Variants in MOB1A observed in about 807,000 individuals in gnomAD.
The protein encoded by MOB1A is MOB1 Mps One Binder homolog A.
Under a neutral mutation model 25.1 loss-of-function variants are expected in MOB1A, and 10 were observed. The ratio of observed to expected loss-of-function variants is 0.40; its 90% CI spans 0.25 to 0.68. The LOEUF (loss-of-function observed/expected upper bound fraction) is 0.68, where lower values mean the gene tolerates loss of function less well. MOB1A is among the 30% of genes least tolerant of loss of function. The pLI is 0.40. For missense variants in MOB1A, 177 were observed against 256.3 expected (o/e 0.69, Z 2.11); for synonymous variants, 81 against 79.5 (o/e 1.02, Z -0.10).
Position 74,152,740 on chromosome 2 carries a change from A to G in MOB1A, c.*3828T>C, listed in dbSNP as rs1046788514. On this transcript the variant is annotated 3_prime_UTR_variant, in exon 6 of 6. Transcript: ENST00000396049. ...CAACATAAATTTTTATGTAAAGAACATTTAAAAATATTTTAGATGGTAACC... is the reference window on the plus strand; with the variant it reads ...CAACATAAATTTTTATGTAAAGAACGTTTAAAAATATTTTAGATGGTAACC... 1 of 152,232 alleles carries G rather than the reference A, an allele frequency of 6.6e-6. No individual in the cohort carries two copies. Among genetic ancestry groups the G allele is most frequent in the South Asian group, 2.1e-4 (1 of 4,832 alleles). The allele number at this position is 152,232 out of a possible 1,614,324, so 9.4% of individuals were successfully genotyped here. A position where few individuals can be genotyped will look rare whatever the true frequency, so the allele number is the denominator to read the frequency against.
chr2:74,173,736 G>A (rs1343323368), intron 1 of MOB1A, among the ~76,000 whole-genome samples: 33 of 149,802 alleles, frequency 2.2e-4, no homozygotes, highest in African/African-American at 8.1e-4. Flanking sequence ...GGATCACGAG[G>A]TCAGGAGATC....
rs749772760 is a variant in MOB1A, at chr2:74,172,596, A to G, written c.171T>C (p.Ile57=). 4 of 1,612,680 alleles carry G rather than the reference A, an allele frequency of 2.5e-6. No individual in the cohort carries two copies. Among genetic ancestry groups the G allele is most frequent in the Non-Finnish European group, 1.7e-6 (2 of 1,179,512 alleles). Residue 57 remains isoleucine, a synonymous_variant, in exon 2 of 6, where the codon ATT becomes ATC. Coordinates refer to ENST00000396049, the MANE Select transcript of MOB1A (RefSeq NM_018221.5). ...LPEGEDLNEW[I]AVNTVDFFNQ... ...CATTTTAAAACTTACTGTTCACAGC[A>G]ATCCATTCATTGAGATCCTCTCCCT...
Position 74,153,203 on chromosome 2 carries a change from A to G in MOB1A, c.*3365T>C, listed in dbSNP as rs1692705333. 1 of 152,208 alleles carries G rather than the reference A, an allele frequency of 6.6e-6. No homozygotes were observed. The highest frequency in any genetic ancestry group is 2.4e-5 in the African/African-American group (1 of 41,448). 9.4% of individuals were successfully genotyped at this position (152,208 alleles called of 1,614,324 possible). A position where few individuals can be genotyped will look rare whatever the true frequency, so the allele number is the denominator to read the frequency against. On this transcript the variant is annotated 3_prime_UTR_variant, in exon 6 of 6. Transcript: ENST00000396049. ...CCTAAAACAAGGCGGTAGCACCAGC[A>G]CCATGACTAGGGCTGCTTTAAAACA...
intron 1 of MOB1A, chr2:74,173,156 C>A (rs761716830): frequency 1.9e-6 from 1 of 514,870 alleles, no homozygotes. Flanking sequence ...AAAACACTCT[C>A]TGAAAAATGC....
chr2:74,177,464 A>T (rs1693508045), intron 1 of MOB1A, among the ~76,000 whole-genome samples: 1 of 152,250 alleles, frequency 6.6e-6, no homozygotes, highest in Non-Finnish European at 1.5e-5. Flanking sequence ...GAATACTTCT[A>T]TTAATATGGA....
intron 1 of MOB1A, 31 bp downstream of exon 1, chr2:74,178,630 G>T: frequency 7.2e-7 from 1 of 1,382,596 alleles, no homozygotes; most frequent in Non-Finnish European, 9.4e-7. Context: ...TCGGCCCGCA[G>T]GCCCGGCGCC....
intron 3 of MOB1A, among the ~76,000 whole-genome samples, chr2:74,166,161 G>A (rs1449746105): frequency 1.3e-5 from 2 of 151,796 alleles, no homozygotes; most frequent in Admixed American, 1.3e-4. Context: ...CCCATCATAT[G>A]ATGGACTTAA....
chr2:74,159,324 G>A (rs935102364), intron 4 of MOB1A, 70 bp from the exon 5 acceptor site: 36 of 1,390,048 alleles, frequency 2.6e-5, no homozygotes, highest in Non-Finnish European at 3.6e-5. Context: ...ATTTGTGACA[G>A]GGTCTCACTT....
Position 74,178,705 on chromosome 2 carries a change from C to T in MOB1A, c.-31G>A, listed in dbSNP as rs2103760525. ...GTCCTCAGAGGGGAGGCGAGGGGCCCCTGGCCCCCGCCTGGATCAGGATTC... is the reference window on the plus strand; with the variant it reads ...GTCCTCAGAGGGGAGGCGAGGGGCCTCTGGCCCCCGCCTGGATCAGGATTC... On this transcript the variant is annotated 5_prime_UTR_variant, in exon 1 of 6. Coordinates refer to ENST00000396049, the MANE Select transcript of MOB1A (RefSeq NM_018221.5). 1 of 1,279,822 alleles carries T rather than the reference C, an allele frequency of 7.8e-7. No homozygotes were observed. The highest frequency in any genetic ancestry group is 2.4e-5 in the South Asian group (1 of 42,000). The allele number at this position is 1,279,822 out of a possible 1,614,324, so 79.3% of individuals were successfully genotyped here. A position where few individuals can be genotyped will look rare whatever the true frequency, so the allele number is the denominator to read the frequency against.
In MOB1A at chr2:74,154,396, GTTTTTA is replaced by G. The variant is rs1404083096; in HGVS notation, c.*2166_*2171del. The G allele has an allele frequency of 2.0e-5, 3 of 151,976 alleles. No homozygotes were observed. The highest frequency in any genetic ancestry group is 6.6e-5 in the Admixed American group (1 of 15,232). The allele number at this position is 151,976 out of a possible 1,614,324, so 9.4% of individuals were successfully genotyped here. A position where few individuals can be genotyped will look rare whatever the true frequency, so the allele number is the denominator to read the frequency against. Reference sequence around the variant, plus strand: ...CAGATTGGCTTGGGAACCTGGTAATGTTTTTATTTTTATTTTAAAAAAGGACAGTCT... The same window carrying G: ...CAGATTGGCTTGGGAACCTGGTAATGTTTTTATTTTAAAAAAGGACAGTCT... On this transcript the variant is annotated 3_prime_UTR_variant, in exon 6 of 6. Transcript: ENST00000396049.
At chr2:74,162,273 G>T (rs1392971573) in intron 4 of MOB1A, among the ~76,000 whole-genome samples, 2 of 151,958 alleles carry the variant, frequency 1.3e-5, no homozygotes, top group African/African-American at 4.8e-5. Context: ...TTGAGGTCAG[G>T]AGTTCGAGAC....
intron 3 of MOB1A, among the ~76,000 whole-genome samples, 187 bp from the exon 4 acceptor site, chr2:74,165,538 C>A (rs1426066884): frequency 6.6e-6 from 1 of 152,088 alleles, no homozygotes; most frequent in African/African-American, 2.4e-5. Flanking sequence ...ACAGTTATAA[C>A]TGGAAGAAAA....
intron 1 of MOB1A, among the ~76,000 whole-genome samples, chr2:74,173,386 T>C (rs1240348441): frequency 6.9e-6 from 1 of 145,112 alleles, no homozygotes; most frequent in East Asian, 2.0e-4. Flanking sequence ...GTTTTTTTTT[T>C]TTTTTTTTTT....
chr2:74,161,852 G>GC (rs1692982810), intron 4 of MOB1A, among the ~76,000 whole-genome samples: 1 of 151,856 alleles, frequency 6.6e-6, no homozygotes, highest in Non-Finnish European at 1.5e-5. Context: ...AGCTACTCAA[G>GC]TGGCTGATGT....
intron 2 of MOB1A, among the ~76,000 whole-genome samples, chr2:74,168,892 C>T (rs550468541): frequency 6.6e-6 from 1 of 152,272 alleles, no homozygotes; most frequent in Admixed American, 6.5e-5. Flanking sequence ...AAGAGCTATT[C>T]TCAAAACGTG....
chr2:74,178,562 C>T, intron 1 of MOB1A, 99 bp downstream of exon 1: 1 of 869,068 alleles, frequency 1.2e-6, no homozygotes, highest in Non-Finnish European at 1.6e-6. Flanking sequence ...ACCCCGCCCC[C>T]GCCTCGGCCC....
intron 2 of MOB1A, among the ~76,000 whole-genome samples, chr2:74,170,692 GC>G (rs1208723312): frequency 7.0e-6 from 1 of 143,188 alleles, no homozygotes; most frequent in Non-Finnish European, 1.5e-5. Flanking sequence ...CTGAGATCGC[GC>G]CAGCCTGTGC....
chr2:74,169,222 C>T (rs1480454220), intron 2 of MOB1A, among the ~76,000 whole-genome samples: 1 of 152,168 alleles, frequency 6.6e-6, no homozygotes, highest in South Asian at 2.1e-4. Context: ...TGAATTTGGG[C>T]CGGGTGCAGT....
intron 4 of MOB1A, among the ~76,000 whole-genome samples, chr2:74,161,436 G>A (rs1168622558): frequency 2.6e-5 from 4 of 151,932 alleles, no homozygotes; most frequent in African/African-American, 4.8e-5. Flanking sequence ...GAGGTCAGGA[G>A]ATCGAGACCA....
Sources: allele counts gnomAD v4.1 joint callset (sites outside exome capture counted in the v4.1 genomes callset), GRCh38; gene constraint gnomAD v4.1.1; transcripts MANE v1.5; gene names NCBI Gene and HGNC (gene_info 2026-07-23, HGNC 2026-07-21).